CD86: variants seen among roughly 807,000 people sequenced by gnomAD.
CD86 encodes T-lymphocyte activation antigen CD86.
A neutral mutation model predicts 32.1 loss-of-function variants in CD86; 11 were observed. The ratio of observed to expected loss-of-function variants is 0.34; its 90% confidence interval spans 0.22 to 0.57. The LOEUF (loss-of-function observed/expected upper bound fraction) is 0.57. Ranked by LOEUF, CD86 falls within the 20% of genes least tolerant of loss-of-function variation. The probability of loss-of-function intolerance (pLI) is 0.86; values close to 1 mark genes in which losing one functional copy is unlikely to be tolerated. For synonymous variants in CD86, 137 were observed against 135.3 expected (o/e 1.01, Z -0.09); for missense variants, 359 against 398.4 (o/e 0.90, Z 0.84).
intron 1 of CD86, among the ~76,000 whole-genome samples, chr3:122,067,015 A>C (rs930130127): frequency 2.6e-5 from 4 of 152,148 alleles, no homozygotes; most frequent in Non-Finnish European, 5.9e-5. Context: ...AGGCAGAAGA[A>C]ACAGCTTCCA....
intron 1 of CD86, among the ~76,000 whole-genome samples, chr3:122,060,374 G>T (rs1185914021): frequency 6.6e-6 from 1 of 152,174 alleles, no homozygotes; most frequent in South Asian, 2.1e-4. Flanking sequence ...GTCTCCTGCA[G>T]AAAGTCTGGT....
intron 5 of CD86, among the ~76,000 whole-genome samples, chr3:122,115,510 G>A (rs936047042): frequency 3.3e-5 from 5 of 151,862 alleles, no homozygotes; most frequent in Admixed American, 2.0e-4. Flanking sequence ...AATCTTACTC[G>A]AAAAGTTATA....
chr3:122,094,507 T>A (rs2072876217), intron 2 of CD86, among the ~76,000 whole-genome samples: 1 of 152,184 alleles, frequency 6.6e-6, no homozygotes, highest in South Asian at 2.1e-4. Context: ...TCACACACGA[T>A]GAAAAGCAAC....
intron 1 of CD86, among the ~76,000 whole-genome samples, chr3:122,060,928 T>G (rs1010746597): frequency 6.6e-6 from 1 of 151,892 alleles, no homozygotes. Flanking sequence ...ATAAACAGAA[T>G]GGGAAAAAAA....
rs1485628351 is a variant in CD86 at position 122,120,227 on chromosome 3, G to T, written c.*693G>T. On this transcript the variant is annotated 3_prime_UTR_variant, in exon 7 of 7. Coordinates refer to ENST00000330540, the MANE Select transcript of CD86 (RefSeq NM_175862.5). ...TAGAACCTGGAGCCACTTCTATCTG[G>T]GCTGTTGCTAATATTGAGGAGGCTT... 6.6e-6 allele frequency: 1 copy of T among 152,150 alleles called. No homozygotes were observed. Among genetic ancestry groups the T allele is most frequent in the Non-Finnish European group, 1.5e-5 (1 of 68,094 alleles). 9.4% of individuals were successfully genotyped at this position (152,150 alleles called of 1,614,324 possible).
At chr3:122,089,003 G>A (rs2072770016) in intron 1 of CD86, among the ~76,000 whole-genome samples, 1 of 152,134 alleles carries the variant, frequency 6.6e-6, no homozygotes, top group South Asian at 2.1e-4. Flanking sequence ...GTCTTAGAAA[G>A]AAAGGAAATT....
intron 1 of CD86, among the ~76,000 whole-genome samples, chr3:122,082,263 T>G (rs1424988280): frequency 2.0e-5 from 3 of 152,224 alleles, no homozygotes; most frequent in Non-Finnish European, 4.4e-5. Flanking sequence ...GAAATCTGGC[T>G]CCCTGTAACT....
chr3:122,101,700 A>G (rs1217916625), intron 2 of CD86, among the ~76,000 whole-genome samples: 5 of 151,844 alleles, frequency 3.3e-5, no homozygotes, highest in African/African-American at 4.8e-5. Flanking sequence ...ATATTACATG[A>G]CAATTTAGAC....
intron 4 of CD86, 138 bp downstream of exon 4, chr3:122,106,638 G>A: frequency 1.4e-6 from 1 of 717,306 alleles, no homozygotes; most frequent in Non-Finnish European, 2.3e-6. Context: ...GACCCAGATG[G>A]AGGTCTCCTG....
intron 1 of CD86, among the ~76,000 whole-genome samples, chr3:122,057,884 A>C (rs551984410): frequency 1.9e-4 from 29 of 152,328 alleles, no homozygotes; most frequent in African/African-American, 7.0e-4. Context: ...GGTGAGTTGC[A>C]TATTGAGAGG....
intron 1 of CD86, among the ~76,000 whole-genome samples, chr3:122,055,804 T>A (rs1266618495): frequency 6.6e-6 from 1 of 152,180 alleles, no homozygotes. Context: ...TTTTAAAATA[T>A]CTGCATAAGA....
intron 2 of CD86, among the ~76,000 whole-genome samples, chr3:122,099,695 T>G (rs2072966789): frequency 6.6e-6 from 1 of 152,198 alleles, no homozygotes; most frequent in African/African-American, 2.4e-5. Context: ...TGTTGCATTG[T>G]CCAATATAAT....
chr3:122,101,089 A>G (rs1363038618), intron 2 of CD86, among the ~76,000 whole-genome samples: 5 of 152,142 alleles, frequency 3.3e-5, no homozygotes, highest in Admixed American at 3.3e-4. Context: ...TCCACTCAGA[A>G]TGGATTTCAA....
At chr3:122,088,259 T>C (rs1168260515) in intron 1 of CD86, among the ~76,000 whole-genome samples, 1 of 151,976 alleles carries the variant, frequency 6.6e-6, no homozygotes, top group Admixed American at 6.6e-5. Flanking sequence ...ATATTGAATT[T>C]CTTTTATTTT....
intron 1 of CD86, 75 bp from the exon 2 acceptor site, chr3:122,091,526 G>T: frequency 1.7e-6 from 2 of 1,174,674 alleles, no homozygotes; most frequent in Admixed American, 1.7e-5. Context: ...TCCACGTCCA[G>T]GTCATGTTTT....
chr3:122,108,641 C>T (rs72965472), intron 4 of CD86, among the ~76,000 whole-genome samples: 1 of 152,100 alleles, frequency 6.6e-6, no homozygotes, highest in African/African-American at 2.4e-5. Flanking sequence ...GGAAGTAGTT[C>T]CTGAAGGCGT....
At chr3:122,060,808 G>GC (rs763960350) in intron 1 of CD86, among the ~76,000 whole-genome samples, 1 of 152,090 alleles carries the variant, frequency 6.6e-6, no homozygotes, top group Non-Finnish European at 1.5e-5. Flanking sequence ...CAGTTCAGAG[G>GC]CAAGTTGAGA....
intron 1 of CD86, among the ~76,000 whole-genome samples, chr3:122,069,353 G>A (rs1373044702): frequency 6.6e-6 from 1 of 152,068 alleles, no homozygotes; most frequent in Non-Finnish European, 1.5e-5. Flanking sequence ...ATTGGAAAAT[G>A]GGAAAAATTA....
At chr3:122,086,476 C>CA (rs753128422) in intron 1 of CD86, 9 of 423,664 alleles carry the variant, frequency 2.1e-5, no homozygotes, top group Non-Finnish European at 3.9e-5. Flanking sequence ...ACCTCAGATA[C>CA]AAAGATACCC....
Sources: gnomAD v4.1 joint callset for allele counts (sites outside exome capture counted in the v4.1 genomes callset) on GRCh38, gnomAD v4.1.1 for gene constraint, MANE v1.5 for transcripts, NCBI Gene and HGNC (gene_info 2026-07-23, HGNC 2026-07-21) for gene names.